DMD: variants seen among roughly 807,000 people sequenced by gnomAD.
The protein encoded by DMD is mutant dystrophin.
Under a neutral mutation model 330.1 loss-of-function variants are expected in DMD, and 63 were observed. The ratio of observed to expected loss-of-function variants is 0.19; its 90% CI spans 0.16 to 0.24. The LOEUF (loss-of-function observed/expected upper bound fraction) is 0.24. Ranked by LOEUF, DMD falls within the 10% of genes least tolerant of loss-of-function variation. The probability of loss-of-function intolerance (pLI) is 1.00; values close to 1 mark genes in which losing one functional copy is unlikely to be tolerated. For missense variants in DMD, 3,344 were observed against 2,684.1 expected (o/e 1.25, Z -5.43); for synonymous variants, 1,223 against 959.8 (o/e 1.27, Z -5.07).
At chrX:32,202,187 C>T (rs138047925) in intron 44 of DMD, among the ~76,000 whole-genome samples, 84 of 111,438 alleles carry the variant, frequency 7.5e-4, no homozygotes, top group Non-Finnish European at 1.2e-3. Flanking sequence ...TCTCCTTTGG[C>T]AGCAAGAGCT....
chrX:32,076,678 C>T (rs967556457), intron 44 of DMD, among the ~76,000 whole-genome samples: 1 of 111,618 alleles, frequency 9.0e-6, no homozygotes, highest in African/African-American at 3.3e-5. Flanking sequence ...CCTGCCCGGC[C>T]CATAAGATTT....
intron 7 of DMD, among the ~76,000 whole-genome samples, chrX:32,786,860 C>A (rs559734668): frequency 6.3e-5 from 7 of 111,715 alleles, no homozygotes; most frequent in African/African-American, 2.3e-4. Flanking sequence ...ATAGTCTCTA[C>A]CTCCTAGAGT....
At chrX:32,518,459 C>A (rs1446540077) in intron 17 of DMD, among the ~76,000 whole-genome samples, 2 of 106,931 alleles carry the variant, frequency 1.9e-5, no homozygotes, top group African/African-American at 7.2e-5. Context: ...ATAACCTTTT[C>A]TTTTTGGAAA....
chrX:31,527,780 A>T (rs1236076673), intron 55 of DMD, among the ~76,000 whole-genome samples: 1 of 111,661 alleles, frequency 9.0e-6, no homozygotes, highest in African/African-American at 3.3e-5. Flanking sequence ...TCTTGAAATC[A>T]TTGCTTCAGT....
intron 25 of DMD, among the ~76,000 whole-genome samples, chrX:32,456,142 G>T (rs944147411): frequency 9.0e-6 from 1 of 110,505 alleles, no homozygotes; most frequent in East Asian, 2.9e-4. Context: ...AAGTGTTCAT[G>T]GTACTTTGCC....
At chrX:32,244,588 G>A (rs1431225559) in intron 43 of DMD, among the ~76,000 whole-genome samples, 2 of 82,035 alleles carry the variant, frequency 2.4e-5, no homozygotes, top group Non-Finnish European at 4.6e-5. Context: ...CAGTGTAAAA[G>A]TGTTCCTATT....
At chrX:32,650,906 T>A (rs2060106938) in intron 9 of DMD, among the ~76,000 whole-genome samples, 1 of 111,602 alleles carries the variant, frequency 9.0e-6, no homozygotes, top group Admixed American at 9.6e-5. Context: ...ACGCATTATA[T>A]CATTTTTCAC....
chrX:33,070,162 A>G (rs936340454), intron 1 of DMD, among the ~76,000 whole-genome samples: 4 of 112,018 alleles, frequency 3.6e-5, no homozygotes, highest in African/African-American at 1.3e-4. Context: ...AATCTCATCT[A>G]AACATTGAAA....
intron 47 of DMD, among the ~76,000 whole-genome samples, chrX:31,907,988 A>G (rs189892393): frequency 5.3e-5 from 6 of 112,679 alleles, no homozygotes; most frequent in Non-Finnish European, 3.8e-5. Flanking sequence ...TGGTCATCAG[A>G]GAAATGCAAA....
intron 4 of DMD, among the ~76,000 whole-genome samples, chrX:32,825,632 C>A (rs1232029134): frequency 8.9e-6 from 1 of 112,051 alleles, no homozygotes; most frequent in Non-Finnish European, 1.9e-5. Context: ...TGTCCATCTA[C>A]AGATAAATGG....
Position 32,545,336 on chromosome X carries a change from T to C in DMD, c.1993-2A>G. Reference sequence around the variant, plus strand: ...AGTGGTGGTGACAGCCTGTGAAATCTGTGAGAAGTATTGAAACAGAGGTCA... The same window carrying C: ...AGTGGTGGTGACAGCCTGTGAAATCCGTGAGAAGTATTGAAACAGAGGTCA... On this transcript the variant is annotated splice_acceptor_variant, in intron 16 of 78. Transcript: ENST00000357033. LOFTEE classifies it high-confidence loss of function. 2 of 1,209,799 alleles carry C rather than the reference T, an allele frequency of 1.7e-6. No homozygotes were observed. Among genetic ancestry groups the C allele is most frequent in the Non-Finnish European group, 2.2e-6 (2 of 894,030 alleles).
intron 9 of DMD, among the ~76,000 whole-genome samples, chrX:32,695,983 G>C (rs1018976662): frequency 8.9e-6 from 1 of 112,050 alleles, no homozygotes; most frequent in Admixed American, 9.5e-5. Flanking sequence ...ATTTGTCTCT[G>C]TGATTAAGAA....
chrX:31,812,550 TA>T (rs1207777683), intron 50 of DMD, among the ~76,000 whole-genome samples: 1 of 110,354 alleles, frequency 9.1e-6, no homozygotes, highest in Non-Finnish European at 1.9e-5. Context: ...ACATGTACCC[TA>T]AAACTTAAAG....
At chrX:31,324,100 T>G (rs2056607970) in intron 61 of DMD, among the ~76,000 whole-genome samples, 1 of 111,672 alleles carries the variant, frequency 9.0e-6, no homozygotes, top group Admixed American at 9.5e-5. Flanking sequence ...TTATTGAAGC[T>G]AAAGTAATAT....
chrX:32,383,499 TA>T (rs1163735116), intron 33 of DMD, among the ~76,000 whole-genome samples: 1 of 111,399 alleles, frequency 9.0e-6, no homozygotes, highest in Non-Finnish European at 1.9e-5. Flanking sequence ...ACAATATTTT[TA>T]TTCTCAGGCA....
chrX:31,726,195 C>A (rs748950460), intron 52 of DMD, among the ~76,000 whole-genome samples: 1 of 112,451 alleles, frequency 8.9e-6, no homozygotes, highest in East Asian at 2.8e-4. Context: ...TACCTGAATA[C>A]AACAGATACC....
intron 67 of DMD, among the ~76,000 whole-genome samples, chrX:31,202,209 C>A (rs1266066960): frequency 2.7e-5 from 3 of 111,610 alleles, no homozygotes; most frequent in East Asian, 2.8e-4. Context: ...ACAAAAAAAA[C>A]ACACAACCAA....
intron 7 of DMD, among the ~76,000 whole-genome samples, chrX:32,794,472 C>T (rs917981541): frequency 9.0e-6 from 1 of 111,407 alleles, no homozygotes; most frequent in Admixed American, 9.5e-5. Flanking sequence ...GCCTGTGGTC[C>T]CAGCTGCTCG....
At chrX:33,018,028 A>G (rs1276293236) in intron 2 of DMD, among the ~76,000 whole-genome samples, 1 of 112,630 alleles carries the variant, frequency 8.9e-6, no homozygotes, top group Non-Finnish European at 1.9e-5. Flanking sequence ...AAAGTGTCTA[A>G]AAGAATGCAG....
Sources: gnomAD v4.1 joint callset for allele counts (sites outside exome capture counted in the v4.1 genomes callset) on GRCh38, gnomAD v4.1.1 for gene constraint, MANE v1.5 for transcripts, NCBI Gene and HGNC (gene_info 2026-07-23, HGNC 2026-07-21) for gene names.